The following RIPK4 variants were observed in gnomAD, a reference collection of about 807,000 sequenced individuals.
RIPK4 encodes the protein receptor-interacting serine/threonine-protein kinase 4.
In RIPK4, 17 loss-of-function variants were observed where a neutral mutation model predicts 42.9. The ratio of observed to expected loss-of-function variants is 0.40; its 90% CI spans 0.27 to 0.59. RIPK4 has a LOEUF of 0.59. Among genes scored for constraint, RIPK4 ranks in the 20% least tolerant of loss-of-function variants. The pLI, the probability that RIPK4 is intolerant of heterozygous loss-of-function variation, is 0.47. For missense variants in RIPK4, 897 were observed against 1,104.4 expected (o/e 0.81, Z 2.66); for synonymous variants, 498 against 499.1 (o/e 1.00, Z 0.03).
intron 4 of RIPK4, among the ~76,000 whole-genome samples, chr21:41,747,581 T>C (rs2061175710): frequency 6.6e-6 from 1 of 152,170 alleles, no homozygotes; most frequent in Non-Finnish European, 1.5e-5. Context: ...TCAGCAGGTG[T>C]GGAAAATCAG....
chr21:41,754,735 C>A (rs1435855455), intron 2 of RIPK4, among the ~76,000 whole-genome samples: 1 of 152,174 alleles, frequency 6.6e-6, no homozygotes, highest in East Asian at 1.9e-4. Flanking sequence ...ACTCCCACCC[C>A]CTCCCACAGG....
In RIPK4 at chr21:41,755,498, C is replaced by T. The variant is rs750408005; in HGVS notation, c.474+1027G>A. Among the ~76,000 whole-genome samples the T allele has an allele frequency of 3.3e-5, 5 of 152,176 alleles. No individual in the cohort carries two copies. The highest frequency in any genetic ancestry group is 7.3e-5 in the Non-Finnish European group (5 of 68,032). ...CCACCCAAGAGCTCAGGGGCAGGGC[C>T]GGGCCCTGAATTCAGGTCTCTCCTA... is the stretch of plus-strand genomic sequence containing the variant. On this transcript the variant is annotated intron_variant, in intron 2 of 7. Transcript: ENST00000332512. The surrounding 1 kb of genome is among the most constrained non-coding windows in gnomAD (Gnocchi z 4.2).
intron 4 of RIPK4, among the ~76,000 whole-genome samples, chr21:41,748,284 C>T (rs1209105024): frequency 1.3e-5 from 2 of 152,198 alleles, no homozygotes; most frequent in Admixed American, 6.5e-5. Context: ...GTCTGAGCCC[C>T]GACTAACAAG....
chr21:41,745,896 T>C, intron 5 of RIPK4, 34 bp from the exon 6 acceptor site: 2 of 1,510,818 alleles, frequency 1.3e-6, no homozygotes, highest in Non-Finnish European at 1.8e-6. Context: ...GTCACTCGGA[T>C]GATGACTTCT....
At position 41,743,888 on chromosome 21, in the gene RIPK4, T is replaced by C. The variant is rs779168619; in HGVS notation, c.1189A>G (p.Thr397Ala). ...CAGAGGCGTCCCCACTCACCGCTGG[T>C]TGAAGGTTCCCGCTCAAAGGACAGC... ...LSLSFEREPS[T>A]SDLGTTDVQK... Residue 397 changes from threonine to alanine, a missense_variant, in exon 7 of 8, where the codon ACC becomes GCC. Physicochemically the swap from Thr to Ala is moderately conservative, Grantham distance 58 (BLOSUM62 0). Coordinates refer to ENST00000332512, the MANE Select transcript of RIPK4 (RefSeq NM_020639.3). The C allele has an allele frequency of 3.1e-6, 5 of 1,597,800 alleles. No individual in the cohort carries two copies. The highest frequency in any genetic ancestry group is 2.7e-5 in the African/African-American group (2 of 74,242).
At chr21:41,754,766 G>T (rs1196679113) in intron 2 of RIPK4, among the ~76,000 whole-genome samples, 7 of 151,578 alleles carry the variant, frequency 4.6e-5, no homozygotes, top group African/African-American at 1.7e-4. Flanking sequence ...GGCCCAGCCT[G>T]CGGGCCACAC....
At position 41,742,033 on chromosome 21, in the gene RIPK4, C is replaced by G. The variant is rs1415875221; in HGVS notation, c.1196-36G>C. Reference sequence around the variant, plus strand: ...AGGAGAGGCAAAGGTCAGAGCGTGGCTGCACATCCAGGGACGTGGCGTCTC... The same window carrying G: ...AGGAGAGGCAAAGGTCAGAGCGTGGGTGCACATCCAGGGACGTGGCGTCTC... On this transcript the variant is annotated intron_variant, in intron 7 of 7. Coordinates refer to ENST00000332512, the MANE Select transcript of RIPK4 (RefSeq NM_020639.3). The surrounding 1 kb of genome is among the most constrained non-coding windows in gnomAD (Gnocchi z 5.1). 3 of 1,534,010 alleles carry G rather than the reference C, an allele frequency of 2.0e-6. No individual in the cohort carries two copies. The Admixed American group carries it at 5.8e-5, about 30-fold the overall frequency.
chr21:41,766,276 G>C (rs531698344), intron 1 of RIPK4, among the ~76,000 whole-genome samples: 61 of 152,316 alleles, frequency 4.0e-4, no homozygotes, highest in Non-Finnish European at 7.2e-4. Flanking sequence ...GGGAAGCCTC[G>C]CCCGAGCCAA....
chr21:41,745,751 C>T lies in RIPK4; in HGVS notation c.936+8G>A. ...AGACAAAAGACCCCTGTGGGAAGGA[C>T]TCGTTACCTCGCTCCTGGGCTCCGG... On this transcript the variant is annotated splice_region_variant and intron_variant, in intron 6 of 7. Transcript: ENST00000332512. The T allele has an allele frequency of 6.2e-7, 1 of 1,611,126 alleles. No individual in the cohort carries two copies. Among genetic ancestry groups the T allele is most frequent in the South Asian group, 1.1e-5 (1 of 90,984 alleles).
intron 6 of RIPK4, among the ~76,000 whole-genome samples, chr21:41,744,813 G>C (rs994035800): frequency 2.0e-5 from 3 of 152,212 alleles, no homozygotes; most frequent in Non-Finnish European, 4.4e-5. Flanking sequence ...AAAGGGGAAG[G>C]ACCCGGCTAC....
chr21:41,758,008 A>C (rs934295811), intron 1 of RIPK4, among the ~76,000 whole-genome samples: 6 of 102,562 alleles, frequency 5.9e-5, no homozygotes, highest in East Asian at 2.4e-4. Context: ...CAAAAAAAAA[A>C]AAAAAAAAAA....
intron 5 of RIPK4, 75 bp downstream of exon 5, chr21:41,746,538 T>C: frequency 6.4e-7 from 1 of 1,551,188 alleles, no homozygotes; most frequent in South Asian, 1.2e-5. Context: ...GCCTGGTCCC[T>C]CACCCTGTCC....
At chr21:41,763,122 G>A (rs2061225978) in intron 1 of RIPK4, among the ~76,000 whole-genome samples, 1 of 152,138 alleles carries the variant, frequency 6.6e-6, no homozygotes, top group Admixed American at 6.5e-5. Flanking sequence ...CCCCGCAAAA[G>A]TGTCCTGGGT....
At chr21:41,760,239 C>A (rs2061216752) in intron 1 of RIPK4, among the ~76,000 whole-genome samples, 1 of 152,242 alleles carries the variant, frequency 6.6e-6, no homozygotes, top group African/African-American at 2.4e-5. Flanking sequence ...ACTCACCTGA[C>A]CTATATTTTA....
intron 1 of RIPK4, among the ~76,000 whole-genome samples, chr21:41,757,592 A>G (rs2061207682): frequency 6.6e-6 from 1 of 152,118 alleles, no homozygotes; most frequent in Admixed American, 6.5e-5. Flanking sequence ...TTTAAGCCCA[A>G]TACCTGAGTT....
chr21:41,753,806 C>T (rs544248490), intron 2 of RIPK4, among the ~76,000 whole-genome samples: 164 of 152,248 alleles, frequency 1.1e-3, no homozygotes, highest in Admixed American at 2.6e-3. Flanking sequence ...GAACGTGACC[C>T]GCGTGTGACC....
Position 41,740,085 on chromosome 21 carries a change from C to T in RIPK4, c.*753G>A, listed in dbSNP as rs933825921. On this transcript the variant is annotated 3_prime_UTR_variant, in exon 8 of 8. Coordinates refer to ENST00000332512, the MANE Select transcript of RIPK4 (RefSeq NM_020639.3). ...GCCTGTGGCTCTAGAGTTGCCAAAA[C>T]ATCTTAGGCAACGAGAAACGAACGG... 6.6e-6 allele frequency: 1 copy of T among 152,030 alleles called. No individual in the cohort carries two copies. The highest frequency in any genetic ancestry group is 1.5e-5 in the Non-Finnish European group (1 of 68,024). 9.4% of individuals were successfully genotyped at this position (152,030 alleles called of 1,614,324 possible).
At chr21:41,757,042 G>A (rs1301645004) in intron 1 of RIPK4, among the ~76,000 whole-genome samples, 18 of 152,228 alleles carry the variant, frequency 1.2e-4, no homozygotes, top group Admixed American at 1.2e-3. Context: ...CACAAGTGAG[G>A]AGGAGGGAAA....
Position 41,756,900 on chromosome 21 carries a change from G to A in RIPK4, c.183-84C>T. On this transcript the variant is annotated intron_variant, in intron 1 of 7. Transcript: ENST00000332512. ...CAGCACCCTGGCCAGAAGACGACCA[G>A]CTCCAGAGGGCTGAGCAAATGCCTC... 15 of 1,425,346 alleles carry A rather than the reference G, an allele frequency of 1.1e-5. No individual in the cohort carries two copies. In the South Asian group the frequency reaches 2.0e-4, roughly 19 times the overall value. 88.3% of individuals were successfully genotyped at this position (1,425,346 alleles called of 1,614,324 possible). A position where few individuals can be genotyped will look rare whatever the true frequency, so the allele number is the denominator to read the frequency against.
Sources: gnomAD v4.1 joint callset for allele counts (sites outside exome capture counted in the v4.1 genomes callset) on GRCh38, gnomAD v4.1.1 for gene constraint, Gnocchi (gnomAD v3.1) non-coding constraint, MANE v1.5 for transcripts, NCBI Gene and HGNC (gene_info 2026-07-23, HGNC 2026-07-21) for gene names.